The following CEP290 variants were observed in gnomAD, a reference collection of about 807,000 sequenced individuals.
The protein encoded by CEP290 is centrosomal protein 290.
A neutral mutation model predicts 344.9 loss-of-function variants in CEP290; 317 were observed. The ratio of observed to expected loss-of-function variants is 0.92; its 90% CI spans 0.84 to 1.01. CEP290 has a LOEUF of 1.01. CEP290 is among the 50% of genes least tolerant of loss of function. The pLI, the probability that CEP290 is intolerant of heterozygous loss-of-function variation, is 0.00. For synonymous variants in CEP290, 932 were observed against 895.8 expected (o/e 1.04, Z -0.72); for missense variants, 2,754 against 2,761.4 (o/e 1.00, Z 0.06).
intron 26 of CEP290, among the ~76,000 whole-genome samples, chr12:88,098,684 TTAGA>T (rs1259905654): frequency 6.6e-5 from 10 of 152,020 alleles, no homozygotes; most frequent in Admixed American, 6.6e-4. Flanking sequence ...AAAGGAACAT[TTAGA>T]TAGAGCGGTT....
chr12:88,117,012 T>A, intron 18 of CEP290, 21 bp downstream of exon 18: 1 of 1,122,474 alleles, frequency 8.9e-7, no homozygotes, highest in Non-Finnish European at 1.3e-6. Flanking sequence ...CTTTACTCTC[T>A]TTGCAATACT....
chr12:88,064,192 T>C, intron 44 of CEP290, 77 bp from the exon 45 acceptor site: 2 of 1,263,818 alleles, frequency 1.6e-6, no homozygotes, highest in Non-Finnish European at 2.1e-6. Flanking sequence ...GATAAGAAAA[T>C]ACTGTCAAAA....
intron 46 of CEP290, 97 bp downstream of exon 46, chr12:88,062,595 T>C (rs567698150): frequency 5.5e-6 from 4 of 729,868 alleles, no homozygotes; most frequent in African/African-American, 5.3e-5. Flanking sequence ...AGGGCACTTG[T>C]AGAGGCATAT....
At chr12:88,131,975 T>C (rs2138130946) in intron 6 of CEP290, among the ~76,000 whole-genome samples, 1 of 152,296 alleles carries the variant, frequency 6.6e-6, no homozygotes, top group Non-Finnish European at 1.5e-5. Context: ...TAGGTTTATG[T>C]CCCTCATCAA....
At position 88,071,386 on chromosome 12, in the gene CEP290, C is replaced by T. The variant is rs1231554118; in HGVS notation, c.5919G>A (p.Gln1973=). The change falls in exon 43 of 54, where the codon CAG becomes CAA. Residue 1973 remains glutamine, a synonymous_variant. Transcript: ENST00000552810. The part of the protein sequence containing the change: ...KLKTTGMTVD[Q]VLGIRALESE... ...ACTCCAAAGCTCGTATTCCCAAAAC[C>T]TGATCAACAGTCATGCCAGTTGTTT... is the stretch of plus-strand genomic sequence containing the variant. 3.1e-6 allele frequency: 5 copies of T among 1,611,860 alleles called. No individual in the cohort carries two copies. The Admixed American group carries it at 5.0e-5, about 16-fold the overall frequency.
chr12:88,124,321 C>T (rs992122906), intron 13 of CEP290, among the ~76,000 whole-genome samples: 1 of 152,096 alleles, frequency 6.6e-6, no homozygotes, highest in African/African-American at 2.4e-5. Context: ...ATGATTGGTA[C>T]ACTCCTGCTT....
chr12:88,090,878 A>G (rs768041811), intron 29 of CEP290, 39 bp from the exon 30 acceptor site: 1 of 1,294,266 alleles, frequency 7.7e-7, no homozygotes, highest in South Asian at 1.4e-5. Flanking sequence ...AATTAAGTAC[A>G]CTTTCTAAGT....
chr12:88,067,417 T>C (rs1036788093), intron 44 of CEP290, among the ~76,000 whole-genome samples: 5 of 152,220 alleles, frequency 3.3e-5, no homozygotes, highest in Admixed American at 6.5e-5. Context: ...GACGGCCACG[T>C]AGCCAAACCA....
chr12:88,057,120 A>C (rs1004090556), intron 49 of CEP290, among the ~76,000 whole-genome samples: 3 of 152,162 alleles, frequency 2.0e-5, no homozygotes, highest in African/African-American at 7.2e-5. Flanking sequence ...CATCACCTCT[A>C]CTAACCATTT....
Position 88,068,577 on chromosome 12 carries a change from T to C in CEP290, c.6080A>G (p.Glu2027Gly). Residue 2027 changes from glutamate to glycine, a missense_variant, in exon 44 of 54, where the codon GAA (glutamate) becomes GGA (glycine). By Grantham distance (98) the Glu-to-Gly change is moderately conservative. Coordinates refer to ENST00000552810, the MANE Select transcript of CEP290 (RefSeq NM_025114.4). ...DLHLQNRYLQEKLHALEKQFS... is the reference protein window; with the variant it reads ...DLHLQNRYLQGKLHALEKQFS... ...CTGTTTTTCTAAAGCATGAAGTTTTTCTTGGAGGTATCTATTTTGTAAATG... is the reference window on the plus strand; with the variant it reads ...CTGTTTTTCTAAAGCATGAAGTTTTCCTTGGAGGTATCTATTTTGTAAATG... The C allele has an allele frequency of 1.3e-6, 2 of 1,590,174 alleles. No individual in the cohort carries two copies. The highest frequency in any genetic ancestry group is 1.7e-6 in the Non-Finnish European group (2 of 1,170,378).
chr12:88,088,015 A>G (rs960096172), intron 31 of CEP290, 71 bp from the exon 32 acceptor site: 9 of 600,170 alleles, frequency 1.5e-5, no homozygotes, highest in Non-Finnish European at 1.5e-5. Flanking sequence ...ATTGATGATA[A>G]TGATTTTAAT....
intron 34 of CEP290, 41 bp downstream of exon 34, chr12:88,085,998 C>A (rs1445078736): frequency 6.4e-7 from 1 of 1,557,700 alleles, no homozygotes; most frequent in South Asian, 1.2e-5. Flanking sequence ...CCCAAACATA[C>A]CAAATAATAC....
chr12:88,141,172 T>C (rs1211163310), intron 2 of CEP290, 34 bp downstream of exon 2: 2 of 1,369,730 alleles, frequency 1.5e-6, no homozygotes, highest in Non-Finnish European at 2.0e-6. Context: ...CATAAGTTAA[T>C]GTATATATCT....
At chr12:88,093,664 AATAAG>A (rs1183888469) in intron 28 of CEP290, 101 bp downstream of exon 28, 5 of 772,008 alleles carry the variant, frequency 6.5e-6, no homozygotes, top group South Asian at 3.3e-5. Flanking sequence ...GCACTATATT[AATAAG>A]ATATTTCAGA....
chr12:88,083,199 G>A lies in CEP290; in HGVS notation c.4844C>T (p.Pro1615Leu). 2 of 1,510,988 alleles carry A rather than the reference G, an allele frequency of 1.3e-6. No homozygotes were observed. The highest frequency in any genetic ancestry group is 2.7e-5 in the South Asian group (2 of 72,978). 93.6% of individuals were successfully genotyped at this position (1,510,988 alleles called of 1,614,324 possible). Residue 1615 changes from proline to leucine, a missense_variant, in exon 37 of 54, where the codon CCT (proline) becomes CTT (leucine). Pro to Leu is a moderately conservative substitution (Grantham distance 98). Transcript: ENST00000552810. ...CAGACGAATAAAATGCTTGTTGGTA[G>A]GAACTGGAGTGGGAGACTGTTTCAT... ...DLMKQSPTPV[P>L]TNKHFIRLAE...
At chr12:88,064,154 A>T (rs770026559) in intron 44 of CEP290, 39 bp from the exon 45 acceptor site, 4 of 1,487,436 alleles carry the variant, frequency 2.7e-6, no homozygotes, top group African/African-American at 1.4e-5. Context: ...TTAAAGTTTA[A>T]TAAATAAAAG....
rs573262714 is a variant in CEP290 at position 88,049,666 on chromosome 12, T to C, written c.7210-252A>G. The C allele has an allele frequency of 2.2e-4, 67 of 308,512 alleles. No homozygotes were observed. In the Admixed American group the frequency reaches 2.3e-3, roughly 11 times the overall value. The allele number at this position is 308,512 out of a possible 1,614,324, so 19.1% of individuals were successfully genotyped here. The stretch of plus-strand genomic sequence containing the variant: ...TTTGACTAAAATTTATCATCTCTTA[T>C]AATGGGACTTAATCTTTCTCTAAAA... On this transcript the variant is annotated intron_variant, in intron 53 of 53. Transcript: ENST00000552810.
chr12:88,062,677 TA>T lies in CEP290; in HGVS notation c.6357+14del. 1 of 1,569,594 alleles carries T rather than the reference TA, an allele frequency of 6.4e-7. No homozygotes were observed. ...TGCTGAAACCAAAACAAATGTATGG[TA>T]AATTCTCACATACCCCTCTAACATG... On this transcript the variant is annotated intron_variant, in intron 46 of 53. Coordinates refer to ENST00000552810, the MANE Select transcript of CEP290 (RefSeq NM_025114.4).
intron 27 of CEP290, among the ~76,000 whole-genome samples, chr12:88,095,913 A>AT (rs1256147030): frequency 1.3e-5 from 2 of 152,240 alleles, no homozygotes; most frequent in Non-Finnish European, 2.9e-5. Flanking sequence ...TGAGACAGTA[A>AT]TATCTCTGTT....
Sources: allele counts gnomAD v4.1 joint callset (sites outside exome capture counted in the v4.1 genomes callset), GRCh38; gene constraint gnomAD v4.1.1; transcripts MANE v1.5; gene names NCBI Gene and HGNC (gene_info 2026-07-23, HGNC 2026-07-21).